The following EXO1 variants were observed in gnomAD, a reference collection of about 807,000 sequenced individuals.
The protein encoded by EXO1 is exonuclease 1.
EXO1 carries 69 observed loss-of-function variants against 84.5 expected under a neutral mutation model. That is an observed-to-expected ratio of 0.82 (90% CI 0.67 to 1.00). The LOEUF is 1.00. EXO1 is among the 50% of genes least tolerant of loss of function. The pLI is 0.00. For missense variants in EXO1, 1,045 were observed against 1,000.7 expected (o/e 1.04, Z -0.60); for synonymous variants, 373 against 366.1 (o/e 1.02, Z -0.21).
At chr1:241,878,427 G>A (rs1417657172) in intron 12 of EXO1, among the ~76,000 whole-genome samples, 1 of 151,718 alleles carries the variant, frequency 6.6e-6, no homozygotes, top group Non-Finnish European at 1.5e-5. Context: ...AACCCGGGGG[G>A]CGGAGGTTGC....
chr1:241,858,215 A>T (rs1661172076), intron 7 of EXO1, among the ~76,000 whole-genome samples: 2 of 152,230 alleles, frequency 1.3e-5, no homozygotes, highest in South Asian at 4.1e-4. Flanking sequence ...TTACTGTTTG[A>T]TTATCATGAC....
intron 12 of EXO1, among the ~76,000 whole-genome samples, chr1:241,873,495 CT>C (rs923140206): frequency 9.2e-5 from 14 of 151,964 alleles, no homozygotes; most frequent in Admixed American, 3.3e-4. Flanking sequence ...CCTTCCCCCT[CT>C]TTTTTTTCTA....
At chr1:241,875,968 G>C (rs187043132) in intron 12 of EXO1, among the ~76,000 whole-genome samples, 319 of 152,262 alleles carry the variant, frequency 2.1e-3, no homozygotes, top group African/African-American at 7.4e-3. Context: ...TTGTTTTTCC[G>C]CTGGGGTGAG....
intron 8 of EXO1, among the ~76,000 whole-genome samples, chr1:241,859,762 G>A (rs977810840): frequency 2.6e-5 from 4 of 152,272 alleles, no homozygotes; most frequent in African/African-American, 9.6e-5. Flanking sequence ...AAAATTCTGA[G>A]ACTCTGGACA....
Position 241,866,975 on chromosome 1 carries a change from C to G in EXO1, c.1187C>G (p.Thr396Ser). ...CCACAATTGAAGGAAAATCCAAGTA[C>G]TGTGGGAGTGGAACGAGTGATTAGT... ...DAPQLKENPS[T>S]VGVERVISTK... Residue 396 changes from threonine to serine, a missense_variant, in exon 11 of 16, where the codon ACT becomes AGT. By Grantham distance (58) the Thr-to-Ser change is moderately conservative (BLOSUM62 1). Coordinates refer to ENST00000366548, the MANE Select transcript of EXO1 (RefSeq NM_130398.4). 6.2e-7 allele frequency: 1 copy of G among 1,613,978 alleles called. No homozygotes were observed. The highest frequency in any genetic ancestry group is 8.5e-7 in the Non-Finnish European group (1 of 1,179,890).
chr1:241,869,690 A>G (rs888141862), intron 11 of EXO1, among the ~76,000 whole-genome samples: 2 of 152,110 alleles, frequency 1.3e-5, no homozygotes, highest in African/African-American at 4.8e-5. Context: ...GATAATATAT[A>G]CTTGTTATAT....
intron 6 of EXO1, among the ~76,000 whole-genome samples, chr1:241,856,902 A>G (rs1021172901): frequency 1.3e-5 from 2 of 152,140 alleles, no homozygotes; most frequent in East Asian, 3.9e-4. Context: ...GCATGGTGGC[A>G]TGCACCTGTA....
chr1:241,858,654 G>C lies in EXO1; in HGVS notation c.692G>C (p.Arg231Pro). ...GGTTGTGACTACCTGTCATCACTGC[G>C]TGGGATTGGATTAGCAAAGGCATGC... is the stretch of plus-strand genomic sequence containing the variant. ...LSGCDYLSSL[R>P]GIGLAKACKV... is the part of the protein sequence containing the mutation. Residue 231 changes from arginine to proline, a missense_variant, in exon 8 of 16, where the codon CGT becomes CCT. Arg to Pro is a moderately radical substitution (Grantham distance 103). Coordinates refer to ENST00000366548, the MANE Select transcript of EXO1 (RefSeq NM_130398.4). 6.2e-7 allele frequency: 1 copy of C among 1,614,056 alleles called. No individual in the cohort carries two copies.
chr1:241,863,420 A>AC (rs1276790737), intron 10 of EXO1, among the ~76,000 whole-genome samples: 10 of 109,040 alleles, frequency 9.2e-5, no homozygotes, highest in African/African-American at 3.8e-4. Context: ...AAAAAAAAAA[A>AC]AACAAAAAAA....
chr1:241,855,706 CAGTCCCG>C (rs780384729), intron 6 of EXO1, among the ~76,000 whole-genome samples: 29 of 152,218 alleles, frequency 1.9e-4, no homozygotes, highest in Non-Finnish European at 3.7e-4. Context: ...TGGCGGGCTG[CAGTCCCG>C]AGTCCTGCCC....
intron 12 of EXO1, among the ~76,000 whole-genome samples, chr1:241,876,936 G>C (rs1313691276): frequency 6.6e-6 from 1 of 152,144 alleles, no homozygotes; most frequent in Non-Finnish European, 1.5e-5. Flanking sequence ...TATAAAAAAT[G>C]GATGATTATA....
At chr1:241,880,346 G>T (rs915300463) in intron 13 of EXO1, among the ~76,000 whole-genome samples, 2 of 152,144 alleles carry the variant, frequency 1.3e-5, no homozygotes, top group African/African-American at 4.8e-5. Context: ...AGTCTGCTGA[G>T]CTCCTTTGGG....
At chr1:241,885,931 G>T (rs1031995180) in intron 15 of EXO1, among the ~76,000 whole-genome samples, 1 of 149,676 alleles carries the variant, frequency 6.7e-6, no homozygotes. Context: ...TCCACTCACC[G>T]CAACCTCCGC....
chr1:241,850,892 T>A (rs1660635039), intron 4 of EXO1, among the ~76,000 whole-genome samples: 1 of 141,318 alleles, frequency 7.1e-6, no homozygotes, highest in Admixed American at 7.6e-5. Flanking sequence ...TGGAGTGCAG[T>A]GGCACAATCT....
intron 9 of EXO1, among the ~76,000 whole-genome samples, chr1:241,860,979 C>T (rs1246125361): frequency 6.6e-6 from 1 of 152,212 alleles, no homozygotes; most frequent in Admixed American, 6.5e-5. Context: ...GGTACACATT[C>T]CAAAGGTGGC....
chr1:241,885,539 G>A lies in EXO1; in HGVS notation c.2405+32G>A, dbSNP rs4150002. ...TGCCTTGTTTCTTATTCTGAAACAA[G>A]ATAAACTGTTATTTTCTGTAATTTC... On this transcript the variant is annotated intron_variant, in intron 15 of 15. Transcript: ENST00000366548. The A allele has an allele frequency of 1.5e-3, 2,172 of 1,494,268 alleles. 27 individuals carry two copies. In the African/African-American group the frequency reaches 0.027, roughly 19 times the overall value. 92.6% of individuals were successfully genotyped at this position (1,494,268 alleles called of 1,614,324 possible). A position where few individuals can be genotyped will look rare whatever the true frequency, so the allele number is the denominator to read the frequency against.
At chr1:241,887,931 G>A (rs1053081838) in intron 15 of EXO1, among the ~76,000 whole-genome samples, 19 of 152,112 alleles carry the variant, frequency 1.2e-4, no homozygotes, top group African/African-American at 3.9e-4. Context: ...GAGCCACCAC[G>A]CCTGGCCCCT....
At chr1:241,855,062 G>A (rs1371515220) in intron 6 of EXO1, among the ~76,000 whole-genome samples, 1 of 152,212 alleles carries the variant, frequency 6.6e-6, no homozygotes, top group African/African-American at 2.4e-5. Flanking sequence ...AGAGTGAGCA[G>A]TAGCAAGATG....
chr1:241,858,499 T>C lies in EXO1; in HGVS notation c.544-7T>C, dbSNP rs775848166. On this transcript the variant is annotated splice_region_variant and splice_polypyrimidine_tract_variant and intron_variant, in intron 7 of 15. Coordinates refer to ENST00000366548, the MANE Select transcript of EXO1 (RefSeq NM_130398.4). ...CTAGGTATTAACAATTTCCCTTCCT[T>C]TTGAAGGTAATTTTAAAGATGGACC... is the stretch of plus-strand genomic sequence containing the variant. The C allele has an allele frequency of 6.2e-7, 1 of 1,605,480 alleles. No homozygotes were observed. The highest frequency in any genetic ancestry group is 8.5e-7 in the Non-Finnish European group (1 of 1,172,120).
Sources: allele counts gnomAD v4.1 joint callset (sites outside exome capture counted in the v4.1 genomes callset), GRCh38; gene constraint gnomAD v4.1.1; transcripts MANE v1.5; gene names NCBI Gene and HGNC (gene_info 2026-07-23, HGNC 2026-07-21).